The following PRR16 variants were observed in gnomAD, a reference collection of about 807,000 sequenced individuals.
PRR16 encodes the protein proline rich 16, also known as protein Largen.
PRR16 carries 6 observed loss-of-function variants against 18.2 expected under a neutral mutation model. That is an observed-to-expected ratio of 0.33 (90% CI 0.18 to 0.65). The LOEUF is 0.65. PRR16 is among the 30% of genes least tolerant of loss of function. The probability of loss-of-function intolerance (pLI) is 0.74; values close to 1 mark genes in which losing one functional copy is unlikely to be tolerated. For synonymous variants in PRR16, 151 were observed against 147.8 expected, an observed-to-expected ratio of 1.02 and a Z score of -0.16; for missense variants, 412 against 376.6, an observed-to-expected ratio of 1.09 and a Z score of -0.78.
At chr5:120,718,150 C>T in the PRR16 span, among the ~76,000 whole-genome samples, 8 of 152,036 alleles carry the variant, frequency 5.3e-5, no homozygotes, top group South Asian at 2.1e-4. Flanking sequence ...GATAATATTT[C>T]GACAAAATTT....
the PRR16 span, among the ~76,000 whole-genome samples, chr5:120,758,614 C>G: frequency 3.9e-5 from 6 of 152,066 alleles, no homozygotes; most frequent in African/African-American, 1.4e-4. Flanking sequence ...GGAGTTCTCA[C>G]AAGATCTGAT....
At chr5:120,590,801 A>G (rs915253438) in intron 1 of PRR16, among the ~76,000 whole-genome samples, 3 of 152,146 alleles carry the variant, frequency 2.0e-5, no homozygotes, top group African/African-American at 7.2e-5. Flanking sequence ...CATGATATGC[A>G]TTCAGTAAGG....
the PRR16 span, among the ~76,000 whole-genome samples, chr5:120,770,085 G>C: frequency 6.6e-6 from 1 of 151,782 alleles, no homozygotes; most frequent in African/African-American, 2.4e-5. Flanking sequence ...TTTTTATAAA[G>C]TAAAGAAAAT....
At chr5:120,510,802 T>G (rs549417502) in intron 1 of PRR16, among the ~76,000 whole-genome samples, 1 of 152,246 alleles carries the variant, frequency 6.6e-6, no homozygotes, top group Non-Finnish European at 1.5e-5. Flanking sequence ...TGCACTAAGT[T>G]TGTAATGGAA....
intron 1 of PRR16, among the ~76,000 whole-genome samples, chr5:120,638,050 A>G (rs1755298673): frequency 6.6e-6 from 1 of 152,148 alleles, no homozygotes; most frequent in Admixed American, 6.5e-5. Flanking sequence ...GCCCAATTCT[A>G]AACATGAAAT....
the PRR16 span, among the ~76,000 whole-genome samples, chr5:120,725,581 G>T: frequency 2.0e-5 from 3 of 151,902 alleles, no homozygotes; most frequent in Admixed American, 6.6e-5. Flanking sequence ...GAAAACTGAG[G>T]CAGAAGGATT....
chr5:120,685,991 A>G lies in PRR16; in HGVS notation c.197A>G (p.Gln66Arg). 2 of 1,614,082 alleles carry G rather than the reference A, an allele frequency of 1.2e-6. No individual in the cohort carries two copies. The highest frequency in any genetic ancestry group is 1.7e-6 in the Non-Finnish European group (2 of 1,179,946). Residue 66 changes from glutamine (Q) to arginine (R), a missense_variant, in exon 2 of 2, where the codon CAG (glutamine) becomes CGG (arginine). Coordinates refer to ENST00000407149, the MANE Select transcript of PRR16 (RefSeq NM_001300783.2). ...DQIDTLTSDL[Q>R]LEDEMTDSSK... ...ATTGACACCCTGACCTCTGACCTACAGCTGGAGGATGAGATGACTGACAGC... is the reference window on the plus strand; with the variant it reads ...ATTGACACCCTGACCTCTGACCTACGGCTGGAGGATGAGATGACTGACAGC...
At chr5:120,679,131 CACA>C (rs779255004) in intron 1 of PRR16, among the ~76,000 whole-genome samples, 2 of 152,122 alleles carry the variant, frequency 1.3e-5, no homozygotes, top group Admixed American at 1.3e-4. Context: ...GATTGTCAAA[CACA>C]ACATCTGCCA....
At chr5:120,533,933 C>A (rs1751632525) in intron 1 of PRR16, among the ~76,000 whole-genome samples, 1 of 152,132 alleles carries the variant, frequency 6.6e-6, no homozygotes, top group African/African-American at 2.4e-5. Context: ...GAAAGTATAA[C>A]AAGGCTTCCT....
At chr5:120,775,794 CTA>C in the PRR16 span, among the ~76,000 whole-genome samples, 60 of 122,538 alleles carry the variant, frequency 4.9e-4, no homozygotes, top group African/African-American at 1.3e-3. Context: ...CTACGCCTGG[CTA>C]TTTTTTTTTT....
chr5:120,677,909 T>C (rs1212768522), intron 1 of PRR16, among the ~76,000 whole-genome samples: 17 of 129,798 alleles, frequency 1.3e-4, no homozygotes, highest in African/African-American at 4.9e-4. Context: ...TTCTTTCTTT[T>C]TTTTTTTTTT....
At chr5:120,573,753 G>A (rs1752977866) in intron 1 of PRR16, among the ~76,000 whole-genome samples, 2 of 152,116 alleles carry the variant, frequency 1.3e-5, no homozygotes, top group Non-Finnish European at 2.9e-5. Flanking sequence ...CAGCCATGGA[G>A]AAAGAATGTT....
chr5:120,783,658 T>G, the PRR16 span, among the ~76,000 whole-genome samples: 1 of 152,192 alleles, frequency 6.6e-6, no homozygotes, highest in African/African-American at 2.4e-5. Flanking sequence ...CAATGTATTA[T>G]GCTCAAATTA....
intron 1 of PRR16, among the ~76,000 whole-genome samples, chr5:120,660,088 A>C (rs1756124683): frequency 6.6e-6 from 1 of 151,916 alleles, no homozygotes; most frequent in African/African-American, 2.4e-5. Flanking sequence ...TTTCGTTACT[A>C]AACTCATCCT....
chr5:120,572,583 T>C (rs1752942763), intron 1 of PRR16, among the ~76,000 whole-genome samples: 1 of 151,988 alleles, frequency 6.6e-6, no homozygotes, highest in East Asian at 1.9e-4. Flanking sequence ...AGGAAAGAGC[T>C]TTGAGCAGAG....
At chr5:120,652,204 T>A (rs1426719335) in intron 1 of PRR16, among the ~76,000 whole-genome samples, 5 of 152,136 alleles carry the variant, frequency 3.3e-5, no homozygotes, top group African/African-American at 4.8e-5. Context: ...GATGATTCTA[T>A]GGAAAAGAAA....
chr5:120,570,564 A>C (rs2112734534), intron 1 of PRR16, among the ~76,000 whole-genome samples: 1 of 152,264 alleles, frequency 6.6e-6, no homozygotes, highest in African/African-American at 2.4e-5. Flanking sequence ...TGGCCAAGTA[A>C]AATTCTCATA....
chr5:120,680,469 T>C lies in PRR16; in HGVS notation c.160-5485T>C, dbSNP rs189604204. On this transcript the variant is annotated intron_variant, in intron 1 of 1. Coordinates refer to ENST00000407149, the MANE Select transcript of PRR16 (RefSeq NM_001300783.2). ...ATAGATATTTAGGTTGTTTCCAATT[T>C]CTTTTTATACCAAAAGTGAAAAACC... 1.1e-3 allele frequency among the ~76,000 whole-genome samples: 161 copies of C among 152,288 alleles called. 1 individual carries two copies. The highest frequency in any genetic ancestry group is 3.6e-3 in the African/African-American group (151 of 41,586).
chr5:120,700,838 CG>C, the PRR16 span, among the ~76,000 whole-genome samples: 3 of 152,114 alleles, frequency 2.0e-5, no homozygotes, highest in Non-Finnish European at 2.9e-5. Context: ...CCGAGGCGAT[CG>C]GGCAGTGTCA....
Sources: allele counts gnomAD v4.1 joint callset (sites outside exome capture counted in the v4.1 genomes callset), GRCh38; gene constraint gnomAD v4.1.1; transcripts MANE v1.5; gene names NCBI Gene and HGNC (gene_info 2026-07-23, HGNC 2026-07-21).